The following ZFP57 variants were observed in gnomAD, a reference collection of about 807,000 sequenced individuals.
The protein encoded by ZFP57 is zinc finger protein 57 homolog.
Under a neutral mutation model 15.8 loss-of-function variants are expected in ZFP57, and 12 were observed. The observed-to-expected ratio is 0.76, with a 90% CI of 0.49 to 1.23. The LOEUF (loss-of-function observed/expected upper bound fraction) is 1.23. ZFP57 is among the 50% of genes most tolerant of loss of function. The pLI, the probability that ZFP57 is intolerant of heterozygous loss-of-function variation, is 0.00. For missense variants in ZFP57, 536 were observed against 654.9 expected (o/e 0.82, Z 1.98); for synonymous variants, 203 against 242.3 (o/e 0.84, Z 1.51).
At chr6:29,675,832 G>T (rs1395054793) in intron 3 of ZFP57, 101 bp downstream of exon 3, 4 of 1,433,614 alleles carry the variant, frequency 2.8e-6, no homozygotes, top group African/African-American at 1.4e-5. Context: ...AGAACCAGGG[G>T]TCAGTGAAAC....
chr6:29,676,266 G>A (rs560582051), intron 2 of ZFP57, among the ~76,000 whole-genome samples: 2 of 152,248 alleles, frequency 1.3e-5, no homozygotes, highest in South Asian at 2.1e-4. Flanking sequence ...GGCCGGACGC[G>A]GTGGCTCACG....
Position 29,673,404 on chromosome 6 carries a change from C to T in ZFP57, c.707G>A (p.Cys236Tyr), listed in dbSNP as rs1249176934. Residue 236 changes from cysteine (C) to tyrosine (Y), a missense_variant, in exon 5 of 5, where the codon TGT becomes TAT. Cys to Tyr is a radical substitution (Grantham distance 194). Transcript: ENST00000376883. This position sits in a 1 kb window ranked among gnomAD's most constrained non-coding sequence, Gnocchi z 4.7. The part of the protein sequence containing the change: ...LGERPFCCTL[C>Y]DKTYCDASGL... Reference sequence around the variant, plus strand: ...AGAAGCATCACAGTAGGTCTTGTCACAGAGCGTGCAACAGAAGGGCCTCTC... The same window carrying T: ...AGAAGCATCACAGTAGGTCTTGTCATAGAGCGTGCAACAGAAGGGCCTCTC... 1.2e-6 allele frequency: 2 copies of T among 1,612,930 alleles called. No homozygotes were observed. The highest frequency in any genetic ancestry group is 2.2e-5 in the East Asian group (1 of 44,888).
rs1001893815 is a variant in ZFP57 at position 29,673,224 on chromosome 6, C to G, written c.887G>C (p.Arg296Thr). The change falls in exon 5 of 5, where the codon AGG (arginine) becomes ACG (threonine). Residue 296 changes from arginine (R) to threonine (T), a missense_variant. Coordinates refer to ENST00000376883, the MANE Select transcript of ZFP57 (RefSeq NM_001109809.5). This position sits in a 1 kb window ranked among gnomAD's most constrained non-coding sequence, Gnocchi z 4.7. ...PVDGNQECTL[R>T]IPGTQAEFQT... ...GAATTCAGCCTGGGTGCCTGGAATC[C>G]TCAAAGTACACTCCTGGTTTCCATC... 3.0e-5 allele frequency: 49 copies of G among 1,612,914 alleles called. 1 individual carries two copies. In the East Asian group the frequency reaches 1.0e-3, roughly 34 times the overall value.
chr6:29,673,019 G>A lies in ZFP57; in HGVS notation c.1092C>T (p.Thr364=). Residue 364 remains threonine, a synonymous_variant, in exon 5 of 5, where the codon ACC becomes ACT. Coordinates refer to ENST00000376883, the MANE Select transcript of ZFP57 (RefSeq NM_001109809.5). The surrounding 1 kb of genome is among the most constrained non-coding windows in gnomAD (Gnocchi z 4.7). ...AGTTGGATCTGGCATCCTGACAGAGGGTTCCAGTGATGGGTGCCTGGGTCC... is the reference window on the plus strand; with the variant it reads ...AGTTGGATCTGGCATCCTGACAGAGAGTTCCAGTGATGGGTGCCTGGGTCC... ...VTRTQAPITG[T]LCQDARSNSH... 1 of 1,613,076 alleles carries A rather than the reference G, an allele frequency of 6.2e-7. No individual in the cohort carries two copies. The highest frequency in any genetic ancestry group is 8.5e-7 in the Non-Finnish European group (1 of 1,180,038).
intron 1 of ZFP57, among the ~76,000 whole-genome samples, chr6:29,680,846 C>T (rs1238400544): frequency 6.6e-6 from 1 of 152,150 alleles, no homozygotes; most frequent in Non-Finnish European, 1.5e-5. Context: ...AGCCCTTCCT[C>T]GGCCCGGAAT....
At chr6:29,679,894 CAAACAAACAAACAAACAAA>C (rs2127549981) in intron 1 of ZFP57, among the ~76,000 whole-genome samples, 1 of 100,252 alleles carries the variant, frequency 1.0e-5, no homozygotes, top group African/African-American at 4.8e-5. Context: ...CAAAAACAAA[CAAACAAACAAACAAACAAA>C]AAAAAACGCC....
chr6:29,680,691 C>T (rs3129057), intron 1 of ZFP57, among the ~76,000 whole-genome samples: 87,029 of 152,046 alleles, frequency 0.57, 25,421 homozygotes, highest in Middle Eastern at 0.68. Flanking sequence ...TGCTCACTGT[C>T]GCCTGGCAAA....
rs373116602 is a variant in ZFP57, at chr6:29,679,908, AAC to A, written c.-364+1152_-364+1153del. Reference sequence around the variant, plus strand: ...TCAAAAACAAACAAACAAACAAACAAACAAAAAAAAACGCCTTAGTAACAGTG... The same window carrying A: ...TCAAAAACAAACAAACAAACAAACAAAAAAAAAAACGCCTTAGTAACAGTG... On this transcript the variant is annotated intron_variant, in intron 1 of 4. Coordinates refer to ENST00000376883, the MANE Select transcript of ZFP57 (RefSeq NM_001109809.5). 1.2e-3 allele frequency among the ~76,000 whole-genome samples: 89 copies of A among 75,458 alleles called. 1 individual carries two copies. In the South Asian group the frequency reaches 0.018, roughly 16 times the overall value. The allele number at this position is 75,458 out of a possible 152,430, so 49.5% of individuals were successfully genotyped here. A position where few individuals can be genotyped will look rare whatever the true frequency, so the allele number is the denominator to read the frequency against.
intron 1 of ZFP57, among the ~76,000 whole-genome samples, chr6:29,679,738 T>A (rs62392953): frequency 0.05 from 7,573 of 151,944 alleles, 325 homozygotes; most frequent in East Asian, 0.17. Flanking sequence ...TACAAAATTA[T>A]CCCGGCGTGG....
At chr6:29,674,233 CGAA>C (rs1252222914) in intron 4 of ZFP57, among the ~76,000 whole-genome samples, 132 of 121,456 alleles carry the variant, frequency 1.1e-3, no homozygotes, top group South Asian at 3.4e-3. Context: ...AAGACGAAGA[CGAA>C]GAAGAAGAAG....
Position 29,677,343 on chromosome 6 carries a change from C to A in ZFP57, c.-340G>T. On this transcript the variant is annotated 5_prime_UTR_variant, in exon 2 of 5. Coordinates refer to ENST00000376883, the MANE Select transcript of ZFP57 (RefSeq NM_001109809.5). The stretch of plus-strand genomic sequence containing the variant: ...CCAGCCTGGGCTAGGTGTCTGCCGT[C>A]TGTTCTACCCTGCTTCTAGAAACCT... The A allele has an allele frequency of 2.6e-6, 1 of 379,108 alleles. No individual in the cohort carries two copies. Among genetic ancestry groups the A allele is most frequent in the Middle Eastern group, 3.5e-4 (1 of 2,858 alleles). The allele number at this position is 379,108 out of a possible 1,614,324, so 23.5% of individuals were successfully genotyped here.
chr6:29,675,151 CAAAAA>C (rs11357168), intron 4 of ZFP57, among the ~76,000 whole-genome samples: 2 of 81,952 alleles, frequency 2.4e-5, no homozygotes, highest in Non-Finnish European at 2.2e-5. Flanking sequence ...GACTGTGTCT[CAAAAA>C]AAAAAAAAAA....
rs1276106077 is a variant in ZFP57, at chr6:29,673,754, G to T, written c.357C>A (p.Gly119=). Residue 119 remains glycine, a synonymous_variant, in exon 5 of 5, where the codon GGC becomes GGA. Transcript: ENST00000376883. This position sits in a 1 kb window ranked among gnomAD's most constrained non-coding sequence, Gnocchi z 4.7. ...HLPNTEGLSE[G]KKKELREQHP... ...GTTGTTCTCGAAGCTCTTTCTTCTTGCCTTCTACAGTGAATGAGGAAGAAT... is the reference window on the plus strand; with the variant it reads ...GTTGTTCTCGAAGCTCTTTCTTCTTTCCTTCTACAGTGAATGAGGAAGAAT... 6.2e-7 allele frequency: 1 copy of T among 1,612,896 alleles called. No individual in the cohort carries two copies. The highest frequency in any genetic ancestry group is 1.7e-5 in the Admixed American group (1 of 60,022).
At position 29,676,988 on chromosome 6, in the gene ZFP57, T is replaced by A. The variant is rs1445188572; in HGVS notation, c.16A>T (p.Lys6Ter). 1 of 1,614,194 alleles carries A rather than the reference T, an allele frequency of 6.2e-7. No homozygotes were observed. The highest frequency in any genetic ancestry group is 8.5e-7 in the Non-Finnish European group (1 of 1,180,030). ...GTCTTCTGTACAGGTTCGATTGGCT[T>A]CAGCTGTTCAAACATCTTCTCTTCT... MFEQL[K>*]PIEPVQKTLP... The change falls in exon 2 of 5, where the codon AAG becomes TAG. Residue 6 changes from lysine (K) to a stop codon, truncating the protein, a stop_gained. Coordinates refer to ENST00000376883, the MANE Select transcript of ZFP57 (RefSeq NM_001109809.5). LOFTEE classifies it high-confidence loss of function.
At chr6:29,672,395 C>T, downstream of ZFP57, 1 of 1,245,542 alleles carries the variant, frequency 8.0e-7, no homozygotes, top group Non-Finnish European at 1.2e-6. Flanking sequence ...TATGTATTTC[C>T]TTCCTTATCC....
chr6:29,673,414 A>G lies in ZFP57; in HGVS notation c.697T>C (p.Cys233Arg), dbSNP rs1771848264. The G allele has an allele frequency of 6.2e-7, 1 of 1,612,946 alleles. No homozygotes were observed. Among genetic ancestry groups the G allele is most frequent in the African/African-American group, 1.3e-5 (1 of 74,916 alleles). Reference sequence around the variant, plus strand: ...CAGTAGGTCTTGTCACAGAGCGTGCAACAGAAGGGCCTCTCCCCAAGATGC... The same window carrying G: ...CAGTAGGTCTTGTCACAGAGCGTGCGACAGAAGGGCCTCTCCCCAAGATGC... ...RMHLGERPFC[C>R]TLCDKTYCDA... The change falls in exon 5 of 5, where the codon TGC becomes CGC. Residue 233 changes from cysteine (C) to arginine (R), a missense_variant. Transcript: ENST00000376883. This position sits in a 1 kb window ranked among gnomAD's most constrained non-coding sequence, Gnocchi z 4.7.
intron 4 of ZFP57, among the ~76,000 whole-genome samples, chr6:29,674,205 GAAA>G (rs202082682): frequency 1.6e-5 from 2 of 126,716 alleles, no homozygotes; most frequent in Non-Finnish European, 3.4e-5. Flanking sequence ...AAGAAGAAAA[GAAA>G]AGAAGAAGAA....
At chr6:29,679,234 C>T (rs1482841641) in intron 1 of ZFP57, among the ~76,000 whole-genome samples, 1 of 152,180 alleles carries the variant, frequency 6.6e-6, no homozygotes, top group African/African-American at 2.4e-5. Flanking sequence ...TAGCTGAACT[C>T]TCACCTTTTC....
Position 29,673,759 on chromosome 6 carries a change from C to G in ZFP57, c.353-1G>C. 1 of 1,612,958 alleles carries G rather than the reference C, an allele frequency of 6.2e-7. No individual in the cohort carries two copies. Among genetic ancestry groups the G allele is most frequent in the South Asian group, 1.1e-5 (1 of 91,086 alleles). The stretch of plus-strand genomic sequence containing the variant: ...TCTCGAAGCTCTTTCTTCTTGCCTT[C>G]TACAGTGAATGAGGAAGAATAACAC... On this transcript the variant is annotated splice_acceptor_variant, in intron 4 of 4. Coordinates refer to ENST00000376883, the MANE Select transcript of ZFP57 (RefSeq NM_001109809.5). LOFTEE classifies it high-confidence loss of function. The surrounding 1 kb of genome is among the most constrained non-coding windows in gnomAD (Gnocchi z 4.7).
Sources: allele counts gnomAD v4.1 joint callset (sites outside exome capture counted in the v4.1 genomes callset), GRCh38; gene constraint gnomAD v4.1.1; non-coding constraint Gnocchi (gnomAD v3.1); transcripts MANE v1.5; gene names NCBI Gene and HGNC (gene_info 2026-07-23, HGNC 2026-07-21).